The following PRIM2 variants were observed in gnomAD, a reference collection of about 807,000 sequenced individuals.
PRIM2 encodes the protein DNA primase large subunit.
In PRIM2, 39 loss-of-function variants were observed where a neutral mutation model predicts 67.3. The ratio of observed to expected loss-of-function variants is 0.58; its 90% confidence interval spans 0.45 to 0.76. PRIM2 has a LOEUF of 0.76. Ranked by LOEUF, PRIM2 falls within the 30% of genes least tolerant of loss-of-function variation. The probability of loss-of-function intolerance (pLI) is 0.00; values close to 1 mark genes in which losing one functional copy is unlikely to be tolerated. For missense variants in PRIM2, 398 were observed against 598.7 expected (o/e 0.66, Z 3.50); for synonymous variants, 143 against 198.7 (o/e 0.72, Z 2.36).
At chr6:57,626,148 C>A (rs1412439241) in intron 12 of PRIM2, among the ~76,000 whole-genome samples, 1 of 152,262 alleles carries the variant, frequency 6.6e-6, no homozygotes, top group African/African-American at 2.4e-5. Context: ...CAGTGCTCTG[C>A]TCACCAAAGC....
chr6:57,264,740 G>A, the PRIM2 span, among the ~76,000 whole-genome samples: 163 of 151,998 alleles, frequency 1.1e-3, no homozygotes, highest in Middle Eastern at 3.4e-3. Context: ...GGGACTACAG[G>A]TGCGCCCCAC....
At chr6:57,595,656 T>C (rs1328631238) in intron 10 of PRIM2, among the ~76,000 whole-genome samples, 6 of 152,148 alleles carry the variant, frequency 3.9e-5, no homozygotes, top group Admixed American at 2.6e-4. Context: ...GAAACACTTA[T>C]ATTTATCAGT....
At chr6:57,335,690 A>T (rs1238716840) in intron 5 of PRIM2, among the ~76,000 whole-genome samples, 2 of 152,152 alleles carry the variant, frequency 1.3e-5, no homozygotes, top group Non-Finnish European at 2.9e-5. Flanking sequence ...AGAAAGGACA[A>T]ACACACCAAA....
rs201532119 is a variant in PRIM2, at chr6:57,462,054, A to T, written c.694-45333A>T. 3.2e-4 allele frequency among the ~76,000 whole-genome samples: 49 copies of T among 152,364 alleles called. No individual in the cohort carries two copies. In the East Asian group the frequency reaches 9.4e-3, roughly 29 times the overall value. Reference sequence around the variant, plus strand: ...AGGTTAAAAGATGACTGACACAGGTATCTGTCCAGTGCATGTTGGTTGTCT... The same window carrying T: ...AGGTTAAAAGATGACTGACACAGGTTTCTGTCCAGTGCATGTTGGTTGTCT... On this transcript the variant is annotated intron_variant, in intron 7 of 13. Coordinates refer to ENST00000615550, the MANE Select transcript of PRIM2 (RefSeq NM_000947.5).
At chr6:57,226,120 G>C in the PRIM2 span, among the ~76,000 whole-genome samples, 1 of 152,170 alleles carries the variant, frequency 6.6e-6, no homozygotes, top group Non-Finnish European at 1.5e-5. Context: ...ACAAAAGGCA[G>C]ATGGTTTGTG....
At chr6:57,270,069 C>A in the PRIM2 span, among the ~76,000 whole-genome samples, 1 of 152,012 alleles carries the variant, frequency 6.6e-6, no homozygotes, top group Non-Finnish European at 1.5e-5. Context: ...TAGCATGATG[C>A]CTCCAGCTTT....
chr6:57,625,901 A>G (rs1776942320), intron 12 of PRIM2, among the ~76,000 whole-genome samples: 1 of 152,238 alleles, frequency 6.6e-6, no homozygotes, highest in Non-Finnish European at 1.5e-5. Flanking sequence ...GAGAAATGGG[A>G]GCAAAGTCGT....
rs537434912 is a variant in PRIM2 at position 57,317,653 on chromosome 6, G to C, written c.-58G>C. The C allele has an allele frequency of 1.3e-5, 2 of 152,840 alleles. No homozygotes were observed. Among genetic ancestry groups the C allele is most frequent in the South Asian group, 2.1e-4 (1 of 4,824 alleles). The allele number at this position is 152,840 out of a possible 1,614,324, so 9.5% of individuals were successfully genotyped here. On this transcript the variant is annotated 5_prime_UTR_variant, in exon 1 of 14. Coordinates refer to ENST00000615550, the MANE Select transcript of PRIM2 (RefSeq NM_000947.5). ...TCATATGAACTCTCCCGCCACCCGG[G>C]AACAGTGGCTGCCACCGTTTGTGTT...
chr6:57,407,181 A>G (rs1236086011), intron 7 of PRIM2, among the ~76,000 whole-genome samples: 2 of 152,242 alleles, frequency 1.3e-5, no homozygotes, highest in Non-Finnish European at 2.9e-5. Context: ...ATAATGTTCA[A>G]TCTTTGAGGA....
chr6:57,507,487 A>G (rs1774274022), intron 8 of PRIM2, 33 bp downstream of exon 8: 4 of 1,480,608 alleles, frequency 2.7e-6, no homozygotes, highest in South Asian at 2.5e-5. Context: ...TTATGCTTAT[A>G]AATCCAAGTG....
the PRIM2 span, among the ~76,000 whole-genome samples, chr6:57,298,412 A>G: frequency 1.3e-5 from 2 of 152,108 alleles, no homozygotes; most frequent in Admixed American, 6.6e-5. Flanking sequence ...TAGTTTTTTA[A>G]AAAAAACATC....
chr6:57,235,365 G>A, the PRIM2 span, among the ~76,000 whole-genome samples: 2 of 151,980 alleles, frequency 1.3e-5, no homozygotes, highest in South Asian at 4.1e-4. Context: ...TCAGGAGGCT[G>A]AGGCAGGAGA....
the PRIM2 span, among the ~76,000 whole-genome samples, chr6:57,232,844 A>C: frequency 1.3e-5 from 2 of 152,212 alleles, no homozygotes; most frequent in Non-Finnish European, 2.9e-5. Flanking sequence ...TTGGGTGAGC[A>C]CACAGTTAAA....
rs1180906701 is a variant in PRIM2, at chr6:57,320,491, T to C, written c.189T>C (p.Tyr63=). 6 of 1,609,854 alleles carry C rather than the reference T, an allele frequency of 3.7e-6. No individual in the cohort carries two copies. Among genetic ancestry groups the C allele is most frequent in the African/African-American group, 1.3e-5 (1 of 74,870 alleles). The change falls in exon 3 of 14, where the codon TAT becomes TAC. Residue 63 remains tyrosine (Y), a synonymous_variant. Transcript: ENST00000615550. Reference sequence around the variant, plus strand: ...CAGTTGAAAATCTTGGAGTGAGCTATGTGAAAGGAACTGAACAATACCAGA... The same window carrying C: ...CAGTTGAAAATCTTGGAGTGAGCTACGTGAAAGGAACTGAACAATACCAGA... The part of the protein sequence containing the change: ...LKSVENLGVS[Y]VKGTEQYQSK...
intron 7 of PRIM2, among the ~76,000 whole-genome samples, chr6:57,397,811 C>G (rs1351885390): frequency 6.7e-6 from 1 of 149,868 alleles, no homozygotes; most frequent in Non-Finnish European, 1.5e-5. Flanking sequence ...GATTTCTTGT[C>G]TTTTGCTTGC....
At chr6:57,375,144 G>A (rs543659404) in intron 5 of PRIM2, among the ~76,000 whole-genome samples, 7 of 152,358 alleles carry the variant, frequency 4.6e-5, no homozygotes, top group East Asian at 1.9e-4. Context: ...TGTCTTGTGC[G>A]GGTTTTCAGG....
At chr6:57,457,227 TG>T (rs1772824598) in intron 7 of PRIM2, among the ~76,000 whole-genome samples, 2 of 152,208 alleles carry the variant, frequency 1.3e-5, no homozygotes, top group Non-Finnish European at 2.9e-5. Flanking sequence ...TGAGGCTACT[TG>T]GGGGTCAGGG....
At position 57,412,160 on chromosome 6, in the gene PRIM2, T is replaced by C. The variant is rs1240473336; in HGVS notation, c.693+29992T>C. Among the ~76,000 whole-genome samples, 3 of 151,730 alleles carry C rather than the reference T, an allele frequency of 2.0e-5. No homozygotes were observed. In the East Asian group the frequency reaches 5.8e-4, roughly 29 times the overall value. ...AGACTGCATGAAGACAAAATCATTA[T>C]GTAGATTTTATTGTTGAGATAATAT... On this transcript the variant is annotated intron_variant, in intron 7 of 13. Coordinates refer to ENST00000615550, the MANE Select transcript of PRIM2 (RefSeq NM_000947.5).
At chr6:57,224,267 AAAAG>A in the PRIM2 span, among the ~76,000 whole-genome samples, 5 of 152,290 alleles carry the variant, frequency 3.3e-5, no homozygotes, top group South Asian at 6.2e-4. Context: ...TCTCAAAAAT[AAAAG>A]AGAGAGAGGG....
Sources: gnomAD v4.1 joint callset for allele counts (sites outside exome capture counted in the v4.1 genomes callset) on GRCh38, gnomAD v4.1.1 for gene constraint, MANE v1.5 for transcripts, NCBI Gene and HGNC (gene_info 2026-07-23, HGNC 2026-07-21) for gene names.